Variants in NFIA observed in about 807,000 individuals in gnomAD.
NFIA encodes the protein nuclear factor 1 A-type.
In NFIA, 8 loss-of-function variants were observed where a neutral mutation model predicts 62.8. The ratio of observed to expected loss-of-function variants is 0.13; its 90% CI spans 0.07 to 0.23. The LOEUF (loss-of-function observed/expected upper bound fraction) is 0.23, where lower values mean the gene tolerates loss of function less well. Among genes scored for constraint, NFIA ranks in the 10% least tolerant of loss-of-function variants. The probability of loss-of-function intolerance (pLI) is 1.00; values close to 1 mark genes in which losing one functional copy is unlikely to be tolerated. For missense variants in NFIA, 410 were observed against 642.1 expected, an observed-to-expected ratio of 0.64 and a Z score of 3.91; for synonymous variants, 235 against 238.1, an observed-to-expected ratio of 0.99 and a Z score of 0.12.
At chr1:61,385,139 A>G (rs2983157) in intron 7 of NFIA, among the ~76,000 whole-genome samples, 25,303 of 152,084 alleles carry the variant, frequency 0.17, 2,942 homozygotes, top group African/African-American at 0.34. Context: ...TGTGAGGCTG[A>G]GGCAGGAGAA....
intron 2 of NFIA, among the ~76,000 whole-genome samples, chr1:61,104,921 C>A (rs1044921224): frequency 2.6e-5 from 4 of 151,774 alleles, no homozygotes; most frequent in Non-Finnish European, 5.9e-5. Flanking sequence ...TGAGCAATCA[C>A]CAAAAATATT....
At chr1:61,260,056 G>T (rs1656660755) in intron 2 of NFIA, among the ~76,000 whole-genome samples, 1 of 152,106 alleles carries the variant, frequency 6.6e-6, no homozygotes. Context: ...AAAAATCAAG[G>T]GAATGGAAGA....
At chr1:61,306,341 A>G (rs1219466672) in intron 3 of NFIA, among the ~76,000 whole-genome samples, 3 of 127,606 alleles carry the variant, frequency 2.4e-5, no homozygotes, top group Admixed American at 1.0e-4. Context: ...CAGTGAAGCC[A>G]TCTCTGCTCA....
intron 4 of NFIA, among the ~76,000 whole-genome samples, chr1:61,333,387 G>A (rs11590808): frequency 0.032 from 4,809 of 152,236 alleles, 110 homozygotes; most frequent in Non-Finnish European, 0.052. Context: ...AAGATTGACT[G>A]AGTAAGCCAG....
At position 61,434,889 on chromosome 1, in the gene NFIA, A is replaced by G. The variant is rs556913683; in HGVS notation, c.1512+8333A>G. ...GGAATAGACCAAAAATCTGCTATCCATTAAATTAGCACTTGGAACTGTGGG... is the reference window on the plus strand; with the variant it reads ...GGAATAGACCAAAAATCTGCTATCCGTTAAATTAGCACTTGGAACTGTGGG... On this transcript the variant is annotated intron_variant, in intron 10 of 10. Coordinates refer to ENST00000403491, the MANE Select transcript of NFIA (RefSeq NM_001134673.4). 1.2e-4 allele frequency among the ~76,000 whole-genome samples: 18 copies of G among 152,290 alleles called. No individual in the cohort carries two copies. The East Asian group carries it at 2.9e-3, about 24-fold the overall frequency.
intron 5 of NFIA, among the ~76,000 whole-genome samples, chr1:61,352,776 C>G (rs1662620288): frequency 6.6e-6 from 1 of 150,422 alleles, no homozygotes; most frequent in African/African-American, 2.5e-5. Context: ...CACACACACA[C>G]ACACACACGC....
Position 61,348,128 on chromosome 1 carries a change from AAT to A in NFIA, c.701-4320_701-4319del, listed in dbSNP as rs1342275242. 2.6e-5 allele frequency among the ~76,000 whole-genome samples: 4 copies of A among 152,340 alleles called. No individual in the cohort carries two copies. The South Asian group carries it at 6.2e-4, about 24-fold the overall frequency. On this transcript the variant is annotated intron_variant, in intron 4 of 10. Coordinates refer to ENST00000403491, the MANE Select transcript of NFIA (RefSeq NM_001134673.4). ...TGTTCTCCAGATTAGAGGTACTGAG[AAT>A]ACCCAACCCAATGCAAGGATACTTT...
chr1:61,243,353 T>C (rs1048153895), intron 2 of NFIA, among the ~76,000 whole-genome samples: 3 of 152,204 alleles, frequency 2.0e-5, no homozygotes, highest in Non-Finnish European at 4.4e-5. Context: ...ATGTTACAAA[T>C]GTAAAATAGT....
At chr1:61,178,516 A>C (rs1650546878) in intron 2 of NFIA, among the ~76,000 whole-genome samples, 1 of 152,174 alleles carries the variant, frequency 6.6e-6, no homozygotes, top group Non-Finnish European at 1.5e-5. Context: ...CACTGATGTT[A>C]AATAACTTGC....
chr1:61,402,033 CTTTTTTT>C (rs10636290), intron 7 of NFIA, among the ~76,000 whole-genome samples: 3 of 94,564 alleles, frequency 3.2e-5, no homozygotes, highest in Non-Finnish European at 5.8e-5. Flanking sequence ...ACTCATTTTT[CTTTTTTT>C]TTTTTTTTTT....
At chr1:61,126,856 C>T (rs1646983224) in intron 2 of NFIA, among the ~76,000 whole-genome samples, 1 of 140,636 alleles carries the variant, frequency 7.1e-6, no homozygotes, top group Admixed American at 7.5e-5. Flanking sequence ...GTGATCTTGG[C>T]TCACTGCAAC....
chr1:61,104,989 C>G (rs1022464432), intron 2 of NFIA, among the ~76,000 whole-genome samples: 2 of 151,898 alleles, frequency 1.3e-5, no homozygotes. Context: ...CTAATTAGGT[C>G]TCAATGCTGC....
intron 2 of NFIA, among the ~76,000 whole-genome samples, chr1:61,130,127 T>C (rs998625038): frequency 3.3e-5 from 5 of 152,224 alleles, no homozygotes; most frequent in Admixed American, 6.5e-5. Flanking sequence ...GCTTTTCTTA[T>C]GCTTCCAGAA....
At chr1:61,186,528 G>A (rs1651193931) in intron 2 of NFIA, among the ~76,000 whole-genome samples, 1 of 152,086 alleles carries the variant, frequency 6.6e-6, no homozygotes, top group South Asian at 2.1e-4. Flanking sequence ...ATGTAAATAG[G>A]TAAGTTACCT....
chr1:61,092,402 A>G (rs536804767), intron 2 of NFIA, among the ~76,000 whole-genome samples: 185 of 152,290 alleles, frequency 1.2e-3, no homozygotes, highest in Middle Eastern at 6.8e-3. Flanking sequence ...TTGCACGGTA[A>G]TCTTTTAGTG....
rs1659918972 is a variant in NFIA at position 61,308,410 on chromosome 1, C to T, written c.626-24102C>T. The stretch of plus-strand genomic sequence containing the variant: ...GCTTAAGGTCTCATTGAGTGTTACA[C>T]CATAGGAAAGAGCAAAGATTTCTTT... On this transcript the variant is annotated intron_variant, in intron 3 of 10. Transcript: ENST00000403491. 3.9e-5 allele frequency among the ~76,000 whole-genome samples: 6 copies of T among 152,240 alleles called. No individual in the cohort carries two copies. In the South Asian group the frequency reaches 1.0e-3, roughly 26 times the overall value.
At chr1:61,092,122 A>T (rs757972654) in intron 2 of NFIA, among the ~76,000 whole-genome samples, 7 of 152,220 alleles carry the variant, frequency 4.6e-5, no homozygotes, top group African/African-American at 9.7e-5. Context: ...TTTATGTTTA[A>T]TTCAACTAAG....
At chr1:61,277,907 G>A (rs1045494946) in intron 3 of NFIA, among the ~76,000 whole-genome samples, 4 of 152,136 alleles carry the variant, frequency 2.6e-5, no homozygotes, top group African/African-American at 7.2e-5. Flanking sequence ...ATAGCATTAA[G>A]TGAGGAGTCA....
At chr1:61,096,011 T>G (rs1365528989) in intron 2 of NFIA, among the ~76,000 whole-genome samples, 2 of 152,118 alleles carry the variant, frequency 1.3e-5, no homozygotes, top group Admixed American at 6.5e-5. Flanking sequence ...GATTGGATTT[T>G]AAAATGTAAA....
Sources: allele counts gnomAD v4.1 joint callset (sites outside exome capture counted in the v4.1 genomes callset), GRCh38; gene constraint gnomAD v4.1.1; transcripts MANE v1.5; gene names NCBI Gene and HGNC (gene_info 2026-07-23, HGNC 2026-07-21).